The following CDH3 variants were observed in gnomAD, a reference collection of about 807,000 sequenced individuals.
CDH3 encodes cadherin 3, also known as cadherin-3.
A neutral mutation model predicts 82.0 loss-of-function variants in CDH3; 54 were observed. The observed-to-expected ratio is 0.66, with a 90% CI of 0.53 to 0.83. CDH3 has a LOEUF of 0.83. Ranked by LOEUF, CDH3 falls within the 40% of genes least tolerant of loss-of-function variation. The pLI, the probability that CDH3 is intolerant of heterozygous loss-of-function variation, is 0.00. For synonymous variants in CDH3, 446 were observed against 437.9 expected, an observed-to-expected ratio of 1.02 and a Z score of -0.23; for missense variants, 1,054 against 1,084.6, an observed-to-expected ratio of 0.97 and a Z score of 0.40.
chr16:68,710,197 T>A (rs6499194), intron 1 of CDH3, among the ~76,000 whole-genome samples: 6 of 152,002 alleles, frequency 3.9e-5, no homozygotes, highest in African/African-American at 1.5e-4. Flanking sequence ...CTCTGCACCC[T>A]CTATGGCCAC....
chr16:68,686,401 A>T, intron 11 of CDH3: 1 of 1,349,446 alleles, frequency 7.4e-7, no homozygotes, highest in Non-Finnish European at 1.1e-6. Flanking sequence ...GCATTTAGAA[A>T]GTTTCTTCCA....
Position 68,691,961 on chromosome 16 carries a change from G to A in CDH3, c.2002+35G>A, listed in dbSNP as rs758357630. 4 of 1,560,468 alleles carry A rather than the reference G, an allele frequency of 2.6e-6. No homozygotes were observed. In the East Asian group the frequency reaches 6.8e-5, roughly 26 times the overall value. ...AGGCCCCCACCCCCTCCCTGAGGAT[G>A]GGGGAGTTGAAAGACTGGATTCTAC... On this transcript the variant is annotated intron_variant, in intron 13 of 15. Transcript: ENST00000264012.
chr16:68,710,991 C>CGGGAGGAAAG (rs1280208875), intron 1 of CDH3, among the ~76,000 whole-genome samples: 1 of 30,016 alleles, frequency 3.3e-5, no homozygotes, highest in Non-Finnish European at 6.3e-5. Context: ...GGGGAGGGGA[C>CGGGAGGAAAG]GGGAGGAAAG....
chr16:68,655,169 G>T lies in CDH3; in HGVS notation c.160+9419G>T, dbSNP rs149282361. Among the ~76,000 whole-genome samples, 715 of 152,332 alleles carry T rather than the reference G, an allele frequency of 4.7e-3. 11 individuals carry two copies. Among genetic ancestry groups the T allele is most frequent in the African/African-American group, 0.016 (667 of 41,580 alleles). On this transcript the variant is annotated intron_variant, in intron 2 of 15. Coordinates refer to ENST00000264012, the MANE Select transcript of CDH3 (RefSeq NM_001793.6). Reference sequence around the variant, plus strand: ...TAGGATTACAGGTGTGAGCCACTGTGCATGGCCCTGGGTGGAGATTTTTAT... The same window carrying T: ...TAGGATTACAGGTGTGAGCCACTGTTCATGGCCCTGGGTGGAGATTTTTAT...
chr16:68,725,356 C>A (rs559843387), intron 2 of CDH3, among the ~76,000 whole-genome samples: 1 of 151,586 alleles, frequency 6.6e-6, no homozygotes, highest in African/African-American at 2.4e-5. Flanking sequence ...TTTTTTGAGA[C>A]AGAGTCTCAC....
intron 2 of CDH3, among the ~76,000 whole-genome samples, chr16:68,672,359 C>T (rs938995287): frequency 1.3e-5 from 2 of 152,084 alleles, no homozygotes; most frequent in South Asian, 2.1e-4. Flanking sequence ...ATAAGAACTT[C>T]CCTATATAAA....
chr16:68,667,857 T>C (rs542834878), intron 2 of CDH3, among the ~76,000 whole-genome samples: 7 of 152,304 alleles, frequency 4.6e-5, no homozygotes, highest in Non-Finnish European at 7.4e-5. Context: ...TTCTATCGAG[T>C]GCAGATACAT....
intron 2 of CDH3, among the ~76,000 whole-genome samples, chr16:68,668,677 A>C (rs1267245319): frequency 6.6e-6 from 1 of 152,100 alleles, no homozygotes; most frequent in African/African-American, 2.4e-5. Context: ...CCAGTTCCCT[A>C]TTGTGCCCTC....
rs1567453455 is a variant in CDH3 at position 68,687,655 on chromosome 16, C to G, written c.1714C>G (p.Leu572Val). ...RQVLNITDKD[L>V]SPHTSPFQAQ... ...GGTGCTGAACATCACGGACAAGGAC[C>G]TGTCTCCCCACACCTCCCCTTTCCA... The change falls in exon 12 of 16, where the codon CTG becomes GTG. Residue 572 changes from leucine (L) to valine (V), a missense_variant. Transcript: ENST00000264012. 6.2e-7 allele frequency: 1 copy of G among 1,614,122 alleles called. No individual in the cohort carries two copies. Among genetic ancestry groups the G allele is most frequent in the Non-Finnish European group, 8.5e-7 (1 of 1,180,004 alleles).
intron 11 of CDH3, 56 bp from the exon 12 acceptor site, chr16:68,687,456 C>T (rs1961443943): frequency 1.4e-6 from 2 of 1,447,896 alleles, no homozygotes; most frequent in Middle Eastern, 1.7e-4. Context: ...GAGGAGCCCC[C>T]CTGAGGCTGA....
In CDH3 at chr16:68,663,002, G is replaced by A. The variant is rs192832060; in HGVS notation, c.161-13383G>A. ...TCCTGCTTTAGCCTCCCTTATAGCT[G>A]GGACTACAGGTGCCTGCCACCACAC... On this transcript the variant is annotated intron_variant, in intron 2 of 15. Coordinates refer to ENST00000264012, the MANE Select transcript of CDH3 (RefSeq NM_001793.6). Among the ~76,000 whole-genome samples, 375 of 149,312 alleles carry A rather than the reference G, an allele frequency of 2.5e-3. 5 individuals are homozygous for A. The highest frequency in any genetic ancestry group is 9.0e-3 in the African/African-American group (363 of 40,418).
chr16:68,690,176 G>T (rs1597816257), intron 12 of CDH3, among the ~76,000 whole-genome samples: 1 of 152,164 alleles, frequency 6.6e-6, no homozygotes, highest in South Asian at 2.1e-4. Flanking sequence ...GCCTTGGAAG[G>T]CCAGTTAGCC....
At position 68,671,887 on chromosome 16, in the gene CDH3, A is replaced by G. The variant is rs114636421; in HGVS notation, c.161-4498A>G. Among the ~76,000 whole-genome samples, 1,500 of 152,228 alleles carry G rather than the reference A, an allele frequency of 9.9e-3. 29 individuals are homozygous for G. Among genetic ancestry groups the G allele is most frequent in the African/African-American group, 0.034 (1,416 of 41,512 alleles). Reference sequence around the variant, plus strand: ...TTCACATTTAATGGCCATTTTAGGTACCAGTGGTTAGGACTTCAACATAAG... The same window carrying G: ...TTCACATTTAATGGCCATTTTAGGTGCCAGTGGTTAGGACTTCAACATAAG... On this transcript the variant is annotated intron_variant, in intron 2 of 15. Coordinates refer to ENST00000264012, the MANE Select transcript of CDH3 (RefSeq NM_001793.6).
intron 2 of CDH3, among the ~76,000 whole-genome samples, chr16:68,662,769 A>G (rs1274988900): frequency 1.3e-5 from 2 of 149,486 alleles, no homozygotes; most frequent in African/African-American, 4.9e-5. Flanking sequence ...GATGGTCTCG[A>G]TCTCCTGACC....
chr16:68,662,544 CTTTTTTTT>C (rs34173111), intron 2 of CDH3, among the ~76,000 whole-genome samples: 2 of 94,028 alleles, frequency 2.1e-5, no homozygotes, highest in Admixed American at 1.2e-4. Context: ...TGAAGCCAGC[CTTTTTTTT>C]TTTTTTTTTT....
chr16:68,724,017 C>T (rs1443840866), intron 2 of CDH3, among the ~76,000 whole-genome samples: 6 of 148,936 alleles, frequency 4.0e-5, no homozygotes, highest in African/African-American at 1.0e-4. Flanking sequence ...TGCAGTGAGC[C>T]GAGATCGGGC....
chr16:68,676,467 C>G lies in CDH3; in HGVS notation c.243C>G (p.Val81=), dbSNP rs1170654712. Residue 81 remains valine, a synonymous_variant, in exon 3 of 16, where the codon GTC becomes GTG. Coordinates refer to ENST00000264012, the MANE Select transcript of CDH3 (RefSeq NM_001793.6). ...DDFTVRNGET[V]QERRSLKERN... is the part of the protein sequence containing the mutation. ...TCACTGTGCGGAATGGCGAGACAGTCCAGGTAAAATACCATGTCCACCTGC... is the reference window on the plus strand; with the variant it reads ...TCACTGTGCGGAATGGCGAGACAGTGCAGGTAAAATACCATGTCCACCTGC... 7 of 1,610,046 alleles carry G rather than the reference C, an allele frequency of 4.3e-6. No homozygotes were observed. The Admixed American group carries it at 8.3e-5, about 19-fold the overall frequency.
intron 2 of CDH3, among the ~76,000 whole-genome samples, chr16:68,665,680 C>T (rs1960714082): frequency 6.6e-6 from 1 of 152,124 alleles, no homozygotes; most frequent in Non-Finnish European, 1.5e-5. Context: ...CTGGCATGGT[C>T]CTTGAGGATG....
downstream of CDH3, among the ~76,000 whole-genome samples, chr16:68,705,037 G>C (rs1961943344): frequency 6.6e-6 from 1 of 152,128 alleles, no homozygotes; most frequent in African/African-American, 2.4e-5. Flanking sequence ...ACTCCAGCCT[G>C]GGTGACAGAA....
Sources: gnomAD v4.1 joint callset for allele counts (sites outside exome capture counted in the v4.1 genomes callset) on GRCh38, gnomAD v4.1.1 for gene constraint, MANE v1.5 for transcripts, NCBI Gene and HGNC (gene_info 2026-07-23, HGNC 2026-07-21) for gene names.